SIK2: variants seen among roughly 807,000 people sequenced by gnomAD.
SIK2 encodes the protein salt inducible kinase 2.
A neutral mutation model predicts 103.2 loss-of-function variants in SIK2; 29 were observed. That is an observed-to-expected ratio of 0.28 (90% CI 0.21 to 0.38). SIK2 has a LOEUF of 0.38. Among genes scored for constraint, SIK2 ranks in the 10% least tolerant of loss-of-function variants. SIK2 has a pLI of 1.00. For synonymous variants in SIK2, 412 were observed against 446.1 expected (o/e 0.92, Z 0.96); for missense variants, 879 against 1,171.0 (o/e 0.75, Z 3.64).
At chr11:111,618,616 T>C (rs892456557) in intron 2 of SIK2, among the ~76,000 whole-genome samples, 2 of 152,102 alleles carry the variant, frequency 1.3e-5, no homozygotes, top group African/African-American at 4.8e-5. Flanking sequence ...TACACCTTAA[T>C]TGCACCTGTG....
At chr11:111,623,370 A>G (rs1159684663) in intron 3 of SIK2, among the ~76,000 whole-genome samples, 1 of 152,066 alleles carries the variant, frequency 6.6e-6, no homozygotes, top group Non-Finnish European at 1.5e-5. Flanking sequence ...TGATTGGTTG[A>G]TGTTTCTCCT....
rs374159603 is a variant in SIK2, at chr11:111,701,007, C to T, written c.600C>T (p.Ile200=). 5 of 1,613,532 alleles carry T rather than the reference C, an allele frequency of 3.1e-6. No homozygotes were observed. Among genetic ancestry groups the T allele is most frequent in the Non-Finnish European group, 8.5e-7 (1 of 1,179,688 alleles). ...AGTATGAAGGACCACAGCTGGACAT[C>T]TGGGTACTGCTTTGCTTTGCTGTGT... is the stretch of plus-strand genomic sequence containing the variant. ...GQQYEGPQLD[I]WSMGVVLYVL... The change falls in exon 5 of 15, where the codon ATC becomes ATT. Residue 200 remains isoleucine (I), a synonymous_variant. Coordinates refer to ENST00000304987, the MANE Select transcript of SIK2 (RefSeq NM_015191.3). This position sits in a 1 kb window ranked among gnomAD's most constrained non-coding sequence, Gnocchi z 4.2.
intron 3 of SIK2, among the ~76,000 whole-genome samples, chr11:111,645,817 A>AT (rs150065971): frequency 0.011 from 1,675 of 151,716 alleles, 10 homozygotes; most frequent in Admixed American, 0.023. Flanking sequence ...AAAAAAAAAA[A>AT]GACAAAGAAG....
At position 111,620,635 on chromosome 11, in the gene SIK2, A is replaced by G. The variant is rs185383375; in HGVS notation, c.316+233A>G. On this transcript the variant is annotated intron_variant, in intron 3 of 14. Transcript: ENST00000304987. ...TCTATTAGAGACTGGAGAATCAAAC[A>G]TATGGAGGAACTTTTAGTCATATTG... Among the ~76,000 whole-genome samples, 10 of 152,304 alleles carry G rather than the reference A, an allele frequency of 6.6e-5. No homozygotes were observed. The East Asian group carries it at 1.9e-3, about 29-fold the overall frequency.
chr11:111,730,480 G>A lies in SIK2; in HGVS notation c.*6351G>A, dbSNP rs942682656. On this transcript the variant is annotated 3_prime_UTR_variant, in exon 15 of 15. Transcript: ENST00000304987. ...CAGAGATATCTGCACTTTGTAGAAA[G>A]GGCAAGATTATTTGCTTATATCTGA... The A allele has an allele frequency of 2.0e-5, 3 of 152,200 alleles. No homozygotes were observed. Among genetic ancestry groups the A allele is most frequent in the Non-Finnish European group, 2.9e-5 (2 of 68,032 alleles). 9.4% of individuals were successfully genotyped at this position (152,200 alleles called of 1,614,324 possible).
intron 3 of SIK2, among the ~76,000 whole-genome samples, chr11:111,630,913 A>C (rs975904355): frequency 2.0e-5 from 3 of 152,160 alleles, no homozygotes; most frequent in Non-Finnish European, 4.4e-5. Context: ...GAGGGGTAAT[A>C]GGGTCTACAT....
chr11:111,628,825 A>G (rs566096235), intron 3 of SIK2, among the ~76,000 whole-genome samples: 1 of 152,158 alleles, frequency 6.6e-6, no homozygotes, highest in East Asian at 1.9e-4. Context: ...TATTTTAGAC[A>G]CAATCTTTTG....
chr11:111,652,405 GT>G (rs1037813690), intron 3 of SIK2, among the ~76,000 whole-genome samples: 10 of 152,218 alleles, frequency 6.6e-5, no homozygotes, highest in Middle Eastern at 3.4e-3. Context: ...TAGTCTCCCA[GT>G]TTGCAGTTTT....
At chr11:111,660,520 A>G (rs920005796) in intron 3 of SIK2, among the ~76,000 whole-genome samples, 6 of 152,242 alleles carry the variant, frequency 3.9e-5, no homozygotes, top group Admixed American at 2.6e-4. Context: ...AGGACTCCCC[A>G]AAAGGGCATG....
chr11:111,667,207 C>T (rs1942556646), intron 3 of SIK2, among the ~76,000 whole-genome samples: 1 of 151,992 alleles, frequency 6.6e-6, no homozygotes, highest in Admixed American at 6.6e-5. Context: ...TCCCGGCCTC[C>T]CAAAGTGCTG....
chr11:111,643,773 A>G (rs1942214979), intron 3 of SIK2, among the ~76,000 whole-genome samples: 1 of 150,866 alleles, frequency 6.6e-6, no homozygotes, highest in Non-Finnish European at 1.5e-5. Flanking sequence ...AGATCACACC[A>G]TTGCACTCAA....
intron 3 of SIK2, among the ~76,000 whole-genome samples, chr11:111,639,861 A>T (rs977162102): frequency 2.6e-5 from 4 of 152,154 alleles, no homozygotes; most frequent in African/African-American, 9.7e-5. Context: ...TATCCTGGAG[A>T]CTGCTCTACT....
At chr11:111,674,666 T>C (rs1445439569) in intron 3 of SIK2, among the ~76,000 whole-genome samples, 4 of 152,210 alleles carry the variant, frequency 2.6e-5, no homozygotes. Context: ...AAAAGATGTC[T>C]TTGTACAATT....
intron 2 of SIK2, among the ~76,000 whole-genome samples, chr11:111,616,799 T>G (rs1258656536): frequency 6.6e-6 from 1 of 152,032 alleles, no homozygotes; most frequent in African/African-American, 2.4e-5. Context: ...CCACTACACT[T>G]TAGCCTGGGT....
chr11:111,660,181 CA>C (rs1032041184), intron 3 of SIK2, among the ~76,000 whole-genome samples: 6 of 151,998 alleles, frequency 3.9e-5, no homozygotes, highest in African/African-American at 1.5e-4. Context: ...CATCACTGGC[CA>C]GGGGGAAGGA....
intron 3 of SIK2, among the ~76,000 whole-genome samples, chr11:111,632,587 C>G (rs1942053947): frequency 6.6e-6 from 1 of 152,056 alleles, no homozygotes; most frequent in Admixed American, 6.6e-5. Flanking sequence ...GGGACAGAGA[C>G]CTTACACAAT....
intron 3 of SIK2, among the ~76,000 whole-genome samples, 179 bp from the exon 4 acceptor site, chr11:111,687,822 G>A (rs1382176126): frequency 6.6e-6 from 1 of 151,874 alleles, no homozygotes; most frequent in African/African-American, 2.4e-5. Flanking sequence ...AGCCAGGATG[G>A]TCTCGATCTC....
chr11:111,661,902 T>C (rs976478030), intron 3 of SIK2, among the ~76,000 whole-genome samples: 3 of 152,188 alleles, frequency 2.0e-5, no homozygotes, highest in South Asian at 2.1e-4. Flanking sequence ...CCATGACATG[T>C]TGGGATTATG....
rs758831449 is a variant in SIK2, at chr11:111,719,760, T to C, written c.1267-15T>C. 6 of 1,607,864 alleles carry C rather than the reference T, an allele frequency of 3.7e-6. No individual in the cohort carries two copies. Among genetic ancestry groups the C allele is most frequent in the Admixed American group, 1.7e-5 (1 of 59,050 alleles). On this transcript the variant is annotated splice_polypyrimidine_tract_variant and intron_variant, in intron 9 of 14. Coordinates refer to ENST00000304987, the MANE Select transcript of SIK2 (RefSeq NM_015191.3). Reference sequence around the variant, plus strand: ...CAGTGCAGAAACTGAGTTTCCTCTCTCCCCTGGCGTTTAGGTCAATGGCTG... The same window carrying C: ...CAGTGCAGAAACTGAGTTTCCTCTCCCCCCTGGCGTTTAGGTCAATGGCTG...
Sources: allele counts gnomAD v4.1 joint callset (sites outside exome capture counted in the v4.1 genomes callset), GRCh38; gene constraint gnomAD v4.1.1; non-coding constraint Gnocchi (gnomAD v3.1); transcripts MANE v1.5; gene names NCBI Gene and HGNC (gene_info 2026-07-23, HGNC 2026-07-21).